The following LINS1 variants were observed in gnomAD, a reference collection of about 807,000 sequenced individuals.
LINS1 encodes the protein lines homolog 1.
In LINS1, 27 loss-of-function variants were observed where a neutral mutation model predicts 41.6. The observed-to-expected ratio is 0.65, with a 90% CI of 0.48 to 0.89. LINS1 has a LOEUF of 0.89. Ranked by LOEUF, LINS1 falls within the 40% of genes least tolerant of loss-of-function variation. The pLI is 0.00. For synonymous variants in LINS1, 336 were observed against 312.9 expected (o/e 1.07, Z -0.78); for missense variants, 955 against 884.1 (o/e 1.08, Z -1.02).
At position 100,580,678 on chromosome 15, in the gene LINS1, G is replaced by A; in HGVS notation, c.165C>T (p.Ile55=). The part of the protein sequence containing the change: ...TSLEWANTCG[I]QGRHQPISVG... The stretch of plus-strand genomic sequence containing the variant: ...CAGAGATGGGCTGATGCCTGCCCTG[G>A]ATACCACAGGTGTTTGCCCATTCTA... Residue 55 remains isoleucine (I), a synonymous_variant, in exon 2 of 7, where the codon ATC becomes ATT. Coordinates refer to ENST00000314742, the MANE Select transcript of LINS1 (RefSeq NM_001040616.3). The A allele has an allele frequency of 1.9e-6, 3 of 1,613,878 alleles. No homozygotes were observed. Among genetic ancestry groups the A allele is most frequent in the Non-Finnish European group, 1.7e-6 (2 of 1,179,902 alleles).
intron 1 of LINS1, among the ~76,000 whole-genome samples, chr15:100,588,044 G>C (rs2038885715): frequency 6.6e-6 from 1 of 152,220 alleles, no homozygotes; most frequent in African/African-American, 2.4e-5. Context: ...TAAATGAAAG[G>C]TAAATGTCAC....
At chr15:100,586,941 A>G (rs2141333648) in intron 1 of LINS1, among the ~76,000 whole-genome samples, 1 of 152,128 alleles carries the variant, frequency 6.6e-6, no homozygotes, top group East Asian at 1.9e-4. Context: ...CGGGCAGATC[A>G]CGAGGTCAGG....
rs1299413486 is a variant in LINS1, at chr15:100,578,385, A to C, written c.489+1878T>G. 2.0e-5 allele frequency among the ~76,000 whole-genome samples: 3 copies of C among 152,152 alleles called. No homozygotes were observed. The East Asian group carries it at 5.8e-4, about 29-fold the overall frequency. On this transcript the variant is annotated intron_variant, in intron 3 of 6. Transcript: ENST00000314742. ...CAAAGGATATGAACAGACACTTCTC[A>C]AAAGAAGACATTTATGCAGCCAACA... is the stretch of plus-strand genomic sequence containing the variant.
In LINS1 at chr15:100,569,750, C is replaced by T. The variant is rs1166604793; in HGVS notation, c.1762G>A (p.Ala588Thr). ...TAPHSHRDVCARHSWASDAPS... is the reference protein window; with the variant it reads ...TAPHSHRDVCTRHSWASDAPS... ...GCATCGGAAGCCCAGGAGTGCCGAGCACACACATCTCTGTGACTATGAGGA... is the reference window on the plus strand; with the variant it reads ...GCATCGGAAGCCCAGGAGTGCCGAGTACACACATCTCTGTGACTATGAGGA... The change falls in exon 7 of 7, where the codon GCT becomes ACT. Residue 588 changes from alanine to threonine, a missense_variant. By Grantham distance (58) the Ala-to-Thr change is moderately conservative (BLOSUM62 0). Transcript: ENST00000314742. 6.2e-7 allele frequency: 1 copy of T among 1,613,716 alleles called. No homozygotes were observed. Among genetic ancestry groups the T allele is most frequent in the Admixed American group, 1.7e-5 (1 of 59,976 alleles).
Position 100,580,581 on chromosome 15 carries a change from C to T in LINS1, c.262G>A (p.Val88Ile), listed in dbSNP as rs1357303811. 1 of 1,614,056 alleles carries T rather than the reference C, an allele frequency of 6.2e-7. No homozygotes were observed. The highest frequency in any genetic ancestry group is 1.1e-5 in the South Asian group (1 of 91,086). ...TNSQMSGSREVMLLQLTVIKV... is the reference protein window; with the variant it reads ...TNSQMSGSREIMLLQLTVIKV... ...ATCACTGTTAACTGAAGGAGCATTACTTCTCTGGAACCGCTCATCTGAGAG... is the reference window on the plus strand; with the variant it reads ...ATCACTGTTAACTGAAGGAGCATTATTTCTCTGGAACCGCTCATCTGAGAG... The change falls in exon 2 of 7, where the codon GTA becomes ATA. Residue 88 changes from valine to isoleucine, a missense_variant. By Grantham distance (29) the Val-to-Ile change is conservative. Coordinates refer to ENST00000314742, the MANE Select transcript of LINS1 (RefSeq NM_001040616.3).
At chr15:100,601,758 G>C (rs974776907) in intron 1 of LINS1, among the ~76,000 whole-genome samples, 5 of 152,172 alleles carry the variant, frequency 3.3e-5, no homozygotes, top group African/African-American at 9.6e-5. Context: ...AACGTGTCTT[G>C]ATCAGTCTAT....
intron 1 of LINS1, among the ~76,000 whole-genome samples, chr15:100,585,558 GT>G (rs561135715): frequency 2.0e-5 from 3 of 152,274 alleles, no homozygotes; most frequent in African/African-American, 7.2e-5. Flanking sequence ...CGAAATTTTG[GT>G]TCACAGCCTT....
intron 1 of LINS1, among the ~76,000 whole-genome samples, chr15:100,585,852 A>T (rs552830790): frequency 3.9e-5 from 6 of 152,238 alleles, no homozygotes; most frequent in Non-Finnish European, 8.8e-5. Context: ...AAATAAAAAC[A>T]GAAGTGCCTT....
At position 100,594,078 on chromosome 15, in the gene LINS1, T is replaced by C. The variant is rs887055784; in HGVS notation, c.-104+8043A>G. ...AACTCCCTGGCAAAAAATGGCATAA[T>C]ATTTGCATATAAACTGTGCACATCC... On this transcript the variant is annotated intron_variant, in intron 1 of 6. Coordinates refer to ENST00000314742, the MANE Select transcript of LINS1 (RefSeq NM_001040616.3). Among the ~76,000 whole-genome samples the C allele has an allele frequency of 2.8e-4, 42 of 152,290 alleles. 1 individual carries two copies. The highest frequency in any genetic ancestry group is 1.0e-3 in the African/African-American group (42 of 41,562).
At chr15:100,591,731 T>G (rs558190558) in intron 1 of LINS1, among the ~76,000 whole-genome samples, 3 of 152,284 alleles carry the variant, frequency 2.0e-5, no homozygotes, top group African/African-American at 7.2e-5. Flanking sequence ...CTTCAGATGA[T>G]CATGCAACAA....
chr15:100,578,241 T>C (rs1210351152), intron 3 of LINS1, among the ~76,000 whole-genome samples: 3 of 151,906 alleles, frequency 2.0e-5, no homozygotes, highest in Non-Finnish European at 2.9e-5. Flanking sequence ...ACAGACAACC[T>C]ACAAAATGGG....
chr15:100,577,271 G>T (rs1239568790), intron 3 of LINS1, among the ~76,000 whole-genome samples: 3 of 152,180 alleles, frequency 2.0e-5, no homozygotes, highest in African/African-American at 7.2e-5. Flanking sequence ...TGTATATCTA[G>T]AAAACCCCAT....
chr15:100,572,096 C>T, intron 5 of LINS1, 31 bp from the exon 6 acceptor site: 1 of 1,612,806 alleles, frequency 6.2e-7, no homozygotes, highest in Non-Finnish European at 8.5e-7. Flanking sequence ...AAAGTGTAGG[C>T]AATAGTTTAT....
At chr15:100,587,486 ATT>A (rs1187899938) in intron 1 of LINS1, among the ~76,000 whole-genome samples, 1 of 152,076 alleles carries the variant, frequency 6.6e-6, no homozygotes, top group Non-Finnish European at 1.5e-5. Flanking sequence ...CAGTGGGAAA[ATT>A]TAGGGTTGGT....
At chr15:100,594,558 T>C (rs2039168195) in intron 1 of LINS1, among the ~76,000 whole-genome samples, 1 of 152,194 alleles carries the variant, frequency 6.6e-6, no homozygotes, top group Non-Finnish European at 1.5e-5. Flanking sequence ...GTCCCATATA[T>C]AAAATGGTGT....
At chr15:100,571,754 T>G in intron 6 of LINS1, 140 bp downstream of exon 6, 1 of 1,000,270 alleles carries the variant, frequency 1.0e-6, no homozygotes, top group Non-Finnish European at 1.5e-6. Context: ...TTCATGTAAG[T>G]CAGGGTTAAA....
chr15:100,594,263 T>C (rs2039154919), intron 1 of LINS1, among the ~76,000 whole-genome samples: 2 of 152,208 alleles, frequency 1.3e-5, no homozygotes, highest in South Asian at 4.1e-4. Flanking sequence ...CTGAGGTTGG[T>C]TGAATCTGTG....
At chr15:100,592,173 A>G (rs538872839) in intron 1 of LINS1, among the ~76,000 whole-genome samples, 49 of 152,202 alleles carry the variant, frequency 3.2e-4, no homozygotes, top group Non-Finnish European at 6.0e-4. Context: ...TTGAGCCCCT[A>G]TGCTTGGCCC....
chr15:100,599,823 T>C (rs1392162845), intron 1 of LINS1, among the ~76,000 whole-genome samples: 2 of 152,182 alleles, frequency 1.3e-5, no homozygotes, highest in African/African-American at 4.8e-5. Flanking sequence ...CCCAGCACTC[T>C]GGGAGGCCGA....
Sources: allele counts gnomAD v4.1 joint callset (sites outside exome capture counted in the v4.1 genomes callset), GRCh38; gene constraint gnomAD v4.1.1; transcripts MANE v1.5; gene names NCBI Gene and HGNC (gene_info 2026-07-23, HGNC 2026-07-21).